The following TDP1 variants were observed in gnomAD, a reference collection of about 807,000 sequenced individuals.
TDP1 encodes the protein tyrosyl-DNA phosphodiesterase 1.
Under a neutral mutation model 81.5 loss-of-function variants are expected in TDP1, and 64 were observed. The observed-to-expected ratio is 0.79, with a 90% CI of 0.64 to 0.97. The LOEUF (loss-of-function observed/expected upper bound fraction) is 0.97, where lower values mean the gene tolerates loss of function less well. TDP1 is among the 50% of genes least tolerant of loss of function. TDP1 has a pLI of 0.00. For missense variants in TDP1, 723 were observed against 743.8 expected (o/e 0.97, Z 0.33); for synonymous variants, 256 against 264.3 (o/e 0.97, Z 0.30).
At chr14:89,966,471 C>T (rs1001122902) in intron 4 of TDP1, among the ~76,000 whole-genome samples, 1 of 152,168 alleles carries the variant, frequency 6.6e-6, no homozygotes, top group African/African-American at 2.4e-5. Context: ...GAATGGGACA[C>T]TTCTTTTGGG....
intron 8 of TDP1, chr14:89,983,018 C>A: frequency 2.4e-6 from 1 of 422,926 alleles, no homozygotes; most frequent in South Asian, 1.7e-5. Context: ...AATTATTTGG[C>A]TCATTATAAT....
At chr14:90,042,756 G>A (rs184522209) in intron 16 of TDP1, 4 of 386,318 alleles carry the variant, frequency 1.0e-5, no homozygotes, top group East Asian at 1.6e-4. Context: ...GGAAAGACCC[G>A]CCCCCATGAT....
chr14:89,966,926 C>G, intron 4 of TDP1: 1 of 946,606 alleles, frequency 1.1e-6, no homozygotes, highest in Non-Finnish European at 1.3e-6. Flanking sequence ...GTGTACAAAG[C>G]TAGCTAATAA....
At chr14:90,014,509 C>A (rs1885090265) in intron 14 of TDP1, among the ~76,000 whole-genome samples, 1 of 152,172 alleles carries the variant, frequency 6.6e-6, no homozygotes, top group Non-Finnish European at 1.5e-5. Context: ...TCCATCTTCT[C>A]CAGCACACAG....
chr14:90,039,747 G>C (rs1888178483), intron 16 of TDP1, among the ~76,000 whole-genome samples: 2 of 152,034 alleles, frequency 1.3e-5, no homozygotes, highest in Admixed American at 6.6e-5. Context: ...GTGAGTTGAG[G>C]GAGGTGAGTA....
upstream of TDP1, chr14:89,955,886 T>A (rs968117490): frequency 2.0e-5 from 3 of 152,354 alleles, no homozygotes; most frequent in Non-Finnish European, 2.9e-5. Context: ...CACAAGCCGC[T>A]GCCGCCAGGG....
chr14:90,033,645 A>C (rs1249604052), intron 16 of TDP1: 1 of 246,380 alleles, frequency 4.1e-6, no homozygotes, highest in Non-Finnish European at 8.2e-6. Context: ...AATTTATTGG[A>C]GACTACTAAA....
Position 90,032,944 on chromosome 14 carries a change from G to A in TDP1, c.1645-162G>A, listed in dbSNP as rs567297782. 7.5e-6 allele frequency: 6 copies of A among 795,422 alleles called. No homozygotes were observed. The East Asian group carries it at 5.1e-4, about 67-fold the overall frequency. The allele number at this position is 795,422 out of a possible 1,614,324, so 49.3% of individuals were successfully genotyped here. A position where few individuals can be genotyped will look rare whatever the true frequency, so the allele number is the denominator to read the frequency against. On this transcript the variant is annotated intron_variant, in intron 15 of 16. Transcript: ENST00000335725. ...AAAGGAAAATAATTTGGGGCGGGGG[G>A]GTTGTAAATATATTTGCCTATGAAC... is the stretch of plus-strand genomic sequence containing the variant.
rs748884200 is a variant in TDP1, at chr14:89,963,131, A to G, written c.17A>G (p.Asp6Gly). 6 of 1,614,020 alleles carry G rather than the reference A, an allele frequency of 3.7e-6. No homozygotes were observed. The African/African-American group carries it at 6.7e-5, about 18-fold the overall frequency. ...AGGAGTATAATGTCTCAGGAAGGCG[A>G]TTATGGGAGGTGGACCATATCTAGT... MSQEG[D>G]YGRWTISSSD... The change falls in exon 3 of 17, where the codon GAT becomes GGT. Residue 6 changes from aspartate to glycine, a missense_variant. By Grantham distance (94) the Asp-to-Gly change is moderately conservative (BLOSUM62 -1). Transcript: ENST00000335725.
chr14:89,992,027 TAG>T (rs748981097), intron 13 of TDP1, 44 bp downstream of exon 13: 1 of 1,536,152 alleles, frequency 6.5e-7, no homozygotes, highest in South Asian at 1.1e-5. Context: ...CTTTAGGAAT[TAG>T]AGTGTTATTT....
chr14:89,967,568 G>A, intron 5 of TDP1, 146 bp downstream of exon 5: 1 of 744,154 alleles, frequency 1.3e-6, no homozygotes, highest in East Asian at 2.6e-5. Flanking sequence ...GTTATATCCG[G>A]AAAACAGCAT....
intron 14 of TDP1, among the ~76,000 whole-genome samples, chr14:90,011,683 A>G (rs1884724228): frequency 6.6e-6 from 1 of 152,178 alleles, no homozygotes. Context: ...GAAAGATAAT[A>G]TAGGGTATCT....
chr14:89,973,736 G>A (rs7145132), intron 6 of TDP1, among the ~76,000 whole-genome samples: 14,450 of 151,986 alleles, frequency 0.095, 1,766 homozygotes, highest in African/African-American at 0.28. Flanking sequence ...GTCTGCTTGG[G>A]TGCTATAACA....
intron 14 of TDP1, among the ~76,000 whole-genome samples, chr14:90,017,649 AG>A (rs1357967989): frequency 7.2e-5 from 11 of 152,200 alleles, no homozygotes; most frequent in Non-Finnish European, 8.8e-5. Context: ...GATAGTCAAG[AG>A]TTGGCCAGAA....
chr14:90,026,731 T>C (rs1193002123), intron 15 of TDP1, among the ~76,000 whole-genome samples: 1 of 152,198 alleles, frequency 6.6e-6, no homozygotes, highest in African/African-American at 2.4e-5. Flanking sequence ...GTCCTTGCGA[T>C]AGTTTGCTGA....
chr14:89,970,166 G>A (rs573877380), intron 5 of TDP1, among the ~76,000 whole-genome samples: 50 of 152,148 alleles, frequency 3.3e-4, no homozygotes, highest in Non-Finnish European at 5.9e-4. Context: ...GTGAGCCACC[G>A]CGCCTGGCCG....
rs373675425 is a variant in TDP1, at chr14:89,989,074, C to G, written c.1301C>G (p.Ser434Cys). The change falls in exon 11 of 17, where the codon TCT (serine) becomes TGT (cysteine). Residue 434 changes from serine to cysteine, a missense_variant. Transcript: ENST00000335725. ...GKESKTPGKS[S>C]VPLYLIYPSV... ...GAAAGCAAGACTCCAGGAAAAAGCTCTGTTCCTCTTTACTTGGTGAGTTCT... is the reference window on the plus strand; with the variant it reads ...GAAAGCAAGACTCCAGGAAAAAGCTGTGTTCCTCTTTACTTGGTGAGTTCT... 10 of 1,613,818 alleles carry G rather than the reference C, an allele frequency of 6.2e-6. No homozygotes were observed. The African/African-American group carries it at 1.1e-4, about 17-fold the overall frequency.
chr14:89,965,801 G>C, intron 3 of TDP1: 2 of 985,006 alleles, frequency 2.0e-6, no homozygotes, highest in Non-Finnish European at 2.4e-6. Flanking sequence ...CCTGGAGAGG[G>C]ACTTGAATGG....
Position 89,988,531 on chromosome 14 carries a change from C to T in TDP1, c.1132-374C>T, listed in dbSNP as rs572804045. The T allele has an allele frequency of 3.8e-5, 35 of 924,896 alleles. No homozygotes were observed. In the African/African-American group the frequency reaches 6.1e-4, roughly 16 times the overall value. 57.3% of individuals were successfully genotyped at this position (924,896 alleles called of 1,614,324 possible). ...AGGGATGAAGACCAAATACATATTT[C>T]ATAGCATCAAAGCTGCATTAAACAC... On this transcript the variant is annotated intron_variant, in intron 10 of 16. Coordinates refer to ENST00000335725, the MANE Select transcript of TDP1 (RefSeq NM_018319.4).
Sources: allele counts gnomAD v4.1 joint callset (sites outside exome capture counted in the v4.1 genomes callset), GRCh38; gene constraint gnomAD v4.1.1; transcripts MANE v1.5; gene names NCBI Gene and HGNC (gene_info 2026-07-23, HGNC 2026-07-21).